The following CDH23 variants were observed in gnomAD, a reference collection of about 807,000 sequenced individuals.
CDH23 encodes cadherin related 23.
Under a neutral mutation model 317.1 loss-of-function variants are expected in CDH23, and 189 were observed. The observed-to-expected ratio is 0.60, with a 90% confidence interval of 0.53 to 0.67. The LOEUF is 0.67. Ranked by LOEUF, CDH23 falls within the 30% of genes least tolerant of loss-of-function variation. CDH23 has a pLI of 0.00. For missense variants in CDH23, 4,401 were observed against 4,592.4 expected, an observed-to-expected ratio of 0.96 and a Z score of 1.20; for synonymous variants, 1,839 against 1,876.8, an observed-to-expected ratio of 0.98 and a Z score of 0.52.
chr10:71,402,990 C>T (rs967921010), intron 1 of CDH23, among the ~76,000 whole-genome samples: 6 of 151,980 alleles, frequency 3.9e-5, no homozygotes, highest in Admixed American at 3.3e-4. Flanking sequence ...AGCGTGGTGG[C>T]GGGTGCCTGT....
chr10:71,450,358 C>T (rs570239367), intron 3 of CDH23, among the ~76,000 whole-genome samples: 155 of 151,108 alleles, frequency 1.0e-3, no homozygotes, highest in African/African-American at 3.5e-3. Flanking sequence ...CTCCACCTCC[C>T]GGGTTCCAGT....
At chr10:71,690,017 A>G (rs1483615880) in intron 19 of CDH23, among the ~76,000 whole-genome samples, 1 of 152,208 alleles carries the variant, frequency 6.6e-6, no homozygotes, top group Non-Finnish European at 1.5e-5. Flanking sequence ...CTGAACATTA[A>G]AGAGAAAATA....
intron 6 of CDH23, among the ~76,000 whole-genome samples, chr10:71,557,431 T>C (rs1856925062): frequency 6.6e-6 from 1 of 152,168 alleles, no homozygotes; most frequent in African/African-American, 2.4e-5. Context: ...TTCTGGAGGC[T>C]TGATGTGGGG....
At chr10:71,679,655 C>T (rs1036657749) in intron 17 of CDH23, among the ~76,000 whole-genome samples, 163 bp downstream of exon 17, 5 of 152,202 alleles carry the variant, frequency 3.3e-5, no homozygotes, top group South Asian at 2.1e-4. Context: ...AGGATGTGGC[C>T]TGAGTCGCCC....
In CDH23 at chr10:71,813,253, C is replaced by G; in HGVS notation, c.9643C>G (p.Leu3215Val). The change falls in exon 69 of 70, where the codon CTG (leucine) becomes GTG (valine). Residue 3215 changes from leucine (L) to valine (V), a missense_variant. By Grantham distance (32) the Leu-to-Val change is conservative. Around this residue, in one of 3 missense-constraint regions of CDH23, gnomAD observed 1,144 missense variants for 1,138.2 expected, o/e 1.01. Coordinates refer to ENST00000224721, the MANE Select transcript of CDH23 (RefSeq NM_022124.6). ...IREGPIKGSL[L>V]KVVLEDYLRL... ...CCTTTCCCTCCCCCAGGGCTCGCTGCTGAAGGTGGTCCTGGAGGATTACCT... is the reference window on the plus strand; with the variant it reads ...CCTTTCCCTCCCCCAGGGCTCGCTGGTGAAGGTGGTCCTGGAGGATTACCT... The G allele has an allele frequency of 6.4e-7, 1 of 1,551,614 alleles. No individual in the cohort carries two copies. The highest frequency in any genetic ancestry group is 2.4e-5 in the East Asian group (1 of 40,920).
chr10:71,634,691 G>A (rs564923783), intron 11 of CDH23, among the ~76,000 whole-genome samples: 1 of 152,366 alleles, frequency 6.6e-6, no homozygotes, highest in East Asian at 1.9e-4. Flanking sequence ...GTAGAGCATG[G>A]TGTCCTTGAG....
intron 9 of CDH23, among the ~76,000 whole-genome samples, chr10:71,591,635 A>G (rs900319709): frequency 2.6e-5 from 4 of 152,218 alleles, no homozygotes; most frequent in African/African-American, 9.7e-5. Context: ...TAAACAAATA[A>G]TAATAGAAGT....
chr10:71,467,979 C>T (rs965711634), intron 3 of CDH23, among the ~76,000 whole-genome samples: 2 of 152,194 alleles, frequency 1.3e-5, no homozygotes, highest in African/African-American at 4.8e-5. Context: ...GCTTCCTGAG[C>T]CTTCCTTCAT....
At chr10:71,645,241 G>A (rs937385292) in intron 12 of CDH23, among the ~76,000 whole-genome samples, 3 of 152,190 alleles carry the variant, frequency 2.0e-5, no homozygotes, top group East Asian at 3.8e-4. Flanking sequence ...TGGGCCCCCC[G>A]GGACTGGCAA....
chr10:71,678,908 G>A (rs1047314801), intron 16 of CDH23, among the ~76,000 whole-genome samples: 1 of 152,184 alleles, frequency 6.6e-6, no homozygotes, highest in Non-Finnish European at 1.5e-5. Flanking sequence ...CTCACATGAA[G>A]CTGACGGTCT....
intron 9 of CDH23, among the ~76,000 whole-genome samples, chr10:71,597,968 G>T (rs997560078): frequency 6.6e-6 from 1 of 152,142 alleles, no homozygotes; most frequent in Non-Finnish European, 1.5e-5. Context: ...GGGAGGGCCT[G>T]GCCATAGCAC....
chr10:71,428,780 G>A (rs1849235872), intron 1 of CDH23, among the ~76,000 whole-genome samples: 2 of 152,002 alleles, frequency 1.3e-5, no homozygotes, highest in South Asian at 4.2e-4. Flanking sequence ...AGTAGAGACG[G>A]GTTTTTACCA....
intron 50 of CDH23, 50 bp from the exon 51 acceptor site, chr10:71,799,061 G>A (rs988257876): frequency 7.1e-6 from 11 of 1,548,202 alleles, no homozygotes; most frequent in Middle Eastern, 1.7e-4. Context: ...TTGGAGAGCT[G>A]CCATGAATGA....
intron 8 of CDH23, among the ~76,000 whole-genome samples, chr10:71,574,934 A>C (rs1589224141): frequency 6.7e-6 from 1 of 149,068 alleles, no homozygotes; most frequent in African/African-American, 2.5e-5. Flanking sequence ...TTCCCCAGTC[A>C]CCTCCGCCTC....
intron 6 of CDH23, among the ~76,000 whole-genome samples, chr10:71,565,215 G>A (rs781604653): frequency 2.0e-5 from 3 of 152,092 alleles, no homozygotes; most frequent in Non-Finnish European, 2.9e-5. Flanking sequence ...GGGGAGGGGT[G>A]GTGGAAATAA....
At chr10:71,600,737 C>T (rs577936411) in intron 9 of CDH23, among the ~76,000 whole-genome samples, 2 of 151,826 alleles carry the variant, frequency 1.3e-5, no homozygotes, top group South Asian at 2.1e-4. Flanking sequence ...GCAATGGTCT[C>T]GATCTCCTGA....
intron 9 of CDH23, among the ~76,000 whole-genome samples, chr10:71,605,128 C>T (rs1037631448): frequency 2.6e-5 from 4 of 152,034 alleles, no homozygotes; most frequent in African/African-American, 9.7e-5. Flanking sequence ...TAAAATTTAC[C>T]ATTTTAAAGT....
chr10:71,595,175 C>T (rs185931416), intron 9 of CDH23, among the ~76,000 whole-genome samples: 3 of 152,304 alleles, frequency 2.0e-5, no homozygotes, highest in East Asian at 3.9e-4. Context: ...CTATCGATCA[C>T]GAGTTCATTG....
chr10:71,547,371 A>G (rs1330233473), intron 6 of CDH23, among the ~76,000 whole-genome samples: 1 of 152,202 alleles, frequency 6.6e-6, no homozygotes, highest in African/African-American at 2.4e-5. Context: ...CACCCAGTTC[A>G]TCTGAGGAAG....
Sources: gnomAD v4.1 joint callset for allele counts (sites outside exome capture counted in the v4.1 genomes callset) on GRCh38, gnomAD v4.1.1 for gene constraint, gnomAD v4.1.1 regional missense constraint, MANE v1.5 for transcripts, NCBI Gene and HGNC (gene_info 2026-07-23, HGNC 2026-07-21) for gene names.